Variants in EYS observed in about 807,000 individuals in gnomAD.
EYS encodes the protein EGF-like photoreceptor maintenance factor.
A neutral mutation model predicts 282.1 loss-of-function variants in EYS; 250 were observed. That is an observed-to-expected ratio of 0.89 (90% confidence interval 0.80 to 0.98). The LOEUF (loss-of-function observed/expected upper bound fraction) is 0.98, where lower values mean the gene tolerates loss of function less well. EYS is among the 50% of genes least tolerant of loss of function. EYS has a pLI of 0.00. For synonymous variants in EYS, 1,355 were observed against 1,282.9 expected, an observed-to-expected ratio of 1.06 and a Z score of -1.20; for missense variants, 4,016 against 3,709.0, an observed-to-expected ratio of 1.08 and a Z score of -2.15.
At chr6:64,711,941 T>C (rs1173715691) in intron 22 of EYS, among the ~76,000 whole-genome samples, 1 of 152,022 alleles carries the variant, frequency 6.6e-6, no homozygotes, top group Non-Finnish European at 1.5e-5. Flanking sequence ...CACAACAGTG[T>C]GGAGAAACAA....
intron 2 of EYS, among the ~76,000 whole-genome samples, chr6:65,598,963 ATATATC>A (rs1327954615): frequency 3.3e-5 from 5 of 152,086 alleles, no homozygotes; most frequent in Non-Finnish European, 5.9e-5. Flanking sequence ...TGTGTGGTGT[ATATATC>A]TATATCTATA....
chr6:64,985,938 A>G (rs1415962208), intron 14 of EYS, among the ~76,000 whole-genome samples: 1 of 151,484 alleles, frequency 6.6e-6, no homozygotes, highest in East Asian at 1.9e-4. Flanking sequence ...AGCTGCTTCT[A>G]CTTATCACGT....
intron 12 of EYS, among the ~76,000 whole-genome samples, chr6:65,099,528 A>T (rs1190191193): frequency 6.6e-6 from 1 of 150,722 alleles, no homozygotes; most frequent in Non-Finnish European, 1.5e-5. Flanking sequence ...TACCTAAAAA[A>T]GTAGATGAAT....
chr6:65,105,707 G>A (rs1038476262), intron 12 of EYS, among the ~76,000 whole-genome samples: 4 of 151,874 alleles, frequency 2.6e-5, no homozygotes, highest in Non-Finnish European at 5.9e-5. Context: ...CCTATTCCGT[G>A]AATGATGTCT....
chr6:64,357,427 G>T (rs1413536218), intron 29 of EYS, among the ~76,000 whole-genome samples: 1 of 151,616 alleles, frequency 6.6e-6, no homozygotes, highest in Non-Finnish European at 1.5e-5. Flanking sequence ...GGGCTACAAA[G>T]AAATTACCTA....
At chr6:64,218,292 A>C (rs1161324656) in intron 31 of EYS, among the ~76,000 whole-genome samples, 1 of 152,058 alleles carries the variant, frequency 6.6e-6, no homozygotes, top group Non-Finnish European at 1.5e-5. Context: ...AAGCCTTACA[A>C]TCATGACTCC....
intron 30 of EYS, among the ~76,000 whole-genome samples, chr6:64,270,900 T>C (rs1430123402): frequency 6.6e-6 from 1 of 152,084 alleles, no homozygotes; most frequent in African/African-American, 2.4e-5. Flanking sequence ...TGTTTATAAC[T>C]TATAAAAAAT....
chr6:65,148,155 T>A (rs766728759), intron 12 of EYS, among the ~76,000 whole-genome samples: 1 of 152,046 alleles, frequency 6.6e-6, no homozygotes, highest in Non-Finnish European at 1.5e-5. Flanking sequence ...TTCTCAACAG[T>A]CCTCAAAGGC....
intron 33 of EYS, among the ~76,000 whole-genome samples, chr6:64,035,511 G>A (rs914118553): frequency 6.6e-5 from 10 of 152,148 alleles, no homozygotes; most frequent in South Asian, 2.1e-4. Context: ...CAAATACTCC[G>A]ATGTTGGTTC....
chr6:64,452,985 C>CA (rs1459235443), intron 26 of EYS, among the ~76,000 whole-genome samples: 1 of 152,156 alleles, frequency 6.6e-6, no homozygotes, highest in Non-Finnish European at 1.5e-5. Context: ...AAAGCAATGG[C>CA]AACAAAAGCC....
chr6:65,432,399 A>G (rs1191660456), intron 5 of EYS, among the ~76,000 whole-genome samples: 2 of 152,178 alleles, frequency 1.3e-5, no homozygotes, highest in Non-Finnish European at 2.9e-5. Context: ...AAAACCTATG[A>G]TTATGTAATA....
rs181493779 is a variant in EYS, at chr6:65,699,096, A to G, written c.-448+8039T>C. 4.1e-3 allele frequency among the ~76,000 whole-genome samples: 621 copies of G among 152,302 alleles called. 3 individuals are homozygous for G. The highest frequency in any genetic ancestry group is 7.0e-3 in the Non-Finnish European group (476 of 68,006). On this transcript the variant is annotated intron_variant, in intron 1 of 42. Transcript: ENST00000503581. ...CCCAATCTTTCTTACCATTTGGTCA[A>G]TGTTAACAATGGCACTTGATTCTTG... is the stretch of plus-strand genomic sequence containing the variant.
At chr6:64,585,413 T>A (rs908581266) in intron 26 of EYS, among the ~76,000 whole-genome samples, 1 of 152,096 alleles carries the variant, frequency 6.6e-6, no homozygotes, top group Non-Finnish European at 1.5e-5. Context: ...AACCTCAGCA[T>A]CACACAATAC....
chr6:65,661,240 T>C (rs1457941595), intron 1 of EYS, among the ~76,000 whole-genome samples: 1 of 151,924 alleles, frequency 6.6e-6, no homozygotes, highest in Non-Finnish European at 1.5e-5. Flanking sequence ...TATGAGACGG[T>C]AAAATATTAA....
In EYS at chr6:63,729,008, G is replaced by A. The variant is rs79688568; in HGVS notation, c.8072-2328C>T. Among the ~76,000 whole-genome samples, 66 of 152,062 alleles carry A rather than the reference G, an allele frequency of 4.3e-4. No individual in the cohort carries two copies. In the East Asian group the frequency reaches 0.011, roughly 24 times the overall value. On this transcript the variant is annotated intron_variant, in intron 41 of 42. Coordinates refer to ENST00000503581, the MANE Select transcript of EYS (RefSeq NM_001142800.2). Reference sequence around the variant, plus strand: ...TGCTGGCTTTAGGTGATAAGTGTTCGGGTTTTAGCTATTCGAAAAAGTATC... The same window carrying A: ...TGCTGGCTTTAGGTGATAAGTGTTCAGGTTTTAGCTATTCGAAAAAGTATC...
chr6:65,225,478 G>A (rs1045012869), intron 12 of EYS, among the ~76,000 whole-genome samples: 5 of 151,724 alleles, frequency 3.3e-5, no homozygotes, highest in African/African-American at 7.2e-5. Flanking sequence ...CACTTTGGGA[G>A]GTCGAGGCGG....
chr6:65,670,052 C>T (rs1768341511), intron 1 of EYS, among the ~76,000 whole-genome samples: 1 of 151,940 alleles, frequency 6.6e-6, no homozygotes, highest in South Asian at 2.1e-4. Context: ...GCTACTCTTT[C>T]ACCTGAGAAA....
At chr6:63,857,253 T>C (rs1242740306) in intron 36 of EYS, among the ~76,000 whole-genome samples, 1 of 152,206 alleles carries the variant, frequency 6.6e-6, no homozygotes, top group African/African-American at 2.4e-5. Flanking sequence ...TTGGAGGTCA[T>C]GCTACTCTTC....
At chr6:65,432,166 A>G (rs1767911599) in intron 5 of EYS, among the ~76,000 whole-genome samples, 1 of 152,178 alleles carries the variant, frequency 6.6e-6, no homozygotes, top group Admixed American at 6.5e-5. Context: ...AAGGGTAAAG[A>G]TTAATCTTTT....
Sources: gnomAD v4.1 joint callset for allele counts (sites outside exome capture counted in the v4.1 genomes callset) on GRCh38, gnomAD v4.1.1 for gene constraint, MANE v1.5 for transcripts, NCBI Gene and HGNC (gene_info 2026-07-23, HGNC 2026-07-21) for gene names.